The following FBXL17 variants were observed in gnomAD, a reference collection of about 807,000 sequenced individuals.
FBXL17 encodes the protein F-box/LRR-repeat protein 17.
FBXL17 carries 22 observed loss-of-function variants against 66.2 expected under a neutral mutation model. The observed-to-expected ratio is 0.33, with a 90% CI of 0.24 to 0.47. The LOEUF (loss-of-function observed/expected upper bound fraction) is 0.47, where lower values mean the gene tolerates loss of function less well. Among genes scored for constraint, FBXL17 ranks in the 20% least tolerant of loss-of-function variants. The probability of loss-of-function intolerance (pLI) is 1.00; values close to 1 mark genes in which losing one functional copy is unlikely to be tolerated. For synonymous variants in FBXL17, 474 were observed against 400.5 expected (o/e 1.18, Z -2.19); for missense variants, 878 against 948.2 (o/e 0.93, Z 0.97).
intron 6 of FBXL17, among the ~76,000 whole-genome samples, chr5:108,085,579 G>T (rs562037044): frequency 1.3e-5 from 2 of 152,184 alleles, no homozygotes; most frequent in African/African-American, 2.4e-5. Context: ...ACTGTGTGCC[G>T]TTGGGGCTCA....
At chr5:108,040,665 A>G (rs867503149) in intron 6 of FBXL17, among the ~76,000 whole-genome samples, 20 of 152,328 alleles carry the variant, frequency 1.3e-4, no homozygotes, top group African/African-American at 3.4e-4. Context: ...TAATTATTTT[A>G]TATTTCTTAC....
At chr5:108,239,496 T>A (rs1755757949) in intron 4 of FBXL17, among the ~76,000 whole-genome samples, 1 of 152,152 alleles carries the variant, frequency 6.6e-6, no homozygotes, top group African/African-American at 2.4e-5. Context: ...CTGGCGCCTA[T>A]GGAGGAAGCA....
At chr5:108,275,352 C>T (rs943755879) in intron 4 of FBXL17, among the ~76,000 whole-genome samples, 8 of 152,016 alleles carry the variant, frequency 5.3e-5, no homozygotes, top group African/African-American at 1.5e-4. Flanking sequence ...TAAAGTCAAA[C>T]CAGTGTATGA....
intron 7 of FBXL17, among the ~76,000 whole-genome samples, chr5:107,990,709 T>C (rs987939269): frequency 6.6e-6 from 1 of 152,172 alleles, no homozygotes; most frequent in African/African-American, 2.4e-5. Context: ...AATTATTTAA[T>C]ATAAGAAATA....
chr5:108,059,879 C>T (rs1747854734), intron 6 of FBXL17, among the ~76,000 whole-genome samples: 1 of 151,692 alleles, frequency 6.6e-6, no homozygotes, highest in South Asian at 2.1e-4. Context: ...TTTCATCATA[C>T]CTACATAGAG....
chr5:108,037,030 T>C lies in FBXL17; in HGVS notation c.1746-16029A>G, dbSNP rs575702120. Reference sequence around the variant, plus strand: ...AATTAAAAGGAGAAAAGGCTGCATATGTAGATCCCTAGGGTTTAAAATATA... The same window carrying C: ...AATTAAAAGGAGAAAAGGCTGCATACGTAGATCCCTAGGGTTTAAAATATA... On this transcript the variant is annotated intron_variant, in intron 6 of 8. Coordinates refer to ENST00000542267, the MANE Select transcript of FBXL17 (RefSeq NM_001163315.3). 5.9e-5 allele frequency among the ~76,000 whole-genome samples: 9 copies of C among 152,234 alleles called. No individual in the cohort carries two copies. In the South Asian group the frequency reaches 1.9e-3, roughly 32 times the overall value.
chr5:108,347,461 C>T (rs1747357445), intron 4 of FBXL17, among the ~76,000 whole-genome samples: 1 of 152,052 alleles, frequency 6.6e-6, no homozygotes, highest in African/African-American at 2.4e-5. Context: ...ATATGATGTA[C>T]CTATCATATA....
chr5:108,359,501 C>A (rs1345185639), intron 3 of FBXL17, among the ~76,000 whole-genome samples: 1 of 152,108 alleles, frequency 6.6e-6, no homozygotes, highest in Non-Finnish European at 1.5e-5. Context: ...TGTTTTCATT[C>A]TCACTCATCT....
chr5:108,379,556 A>C (rs1194941071), intron 1 of FBXL17, among the ~76,000 whole-genome samples: 1 of 152,244 alleles, frequency 6.6e-6, no homozygotes, highest in Admixed American at 6.5e-5. Flanking sequence ...CAAAAAGTCT[A>C]GTCAAAGAAA....
At chr5:107,963,365 G>A (rs1167529088) in intron 7 of FBXL17, among the ~76,000 whole-genome samples, 1 of 152,044 alleles carries the variant, frequency 6.6e-6, no homozygotes, top group African/African-American at 2.4e-5. Context: ...GTGTGTATGT[G>A]TATATTATAC....
chr5:108,226,278 C>A (rs1258184396), intron 4 of FBXL17, among the ~76,000 whole-genome samples: 2 of 152,194 alleles, frequency 1.3e-5, no homozygotes, highest in Non-Finnish European at 2.9e-5. Context: ...CTTAGTTCCC[C>A]ATCGGCACCT....
At chr5:108,000,524 T>A (rs1753682130) in intron 7 of FBXL17, among the ~76,000 whole-genome samples, 1 of 152,236 alleles carries the variant, frequency 6.6e-6, no homozygotes, top group South Asian at 2.1e-4. Context: ...ATTTTACAAA[T>A]GACAATAGAT....
At chr5:108,029,612 G>T (rs1227481445) in intron 6 of FBXL17, among the ~76,000 whole-genome samples, 1 of 152,102 alleles carries the variant, frequency 6.6e-6, no homozygotes, top group Non-Finnish European at 1.5e-5. Flanking sequence ...TTTATGCAGA[G>T]AGATAACTTT....
chr5:108,183,904 A>G (rs953418668), intron 6 of FBXL17, among the ~76,000 whole-genome samples: 1 of 152,208 alleles, frequency 6.6e-6, no homozygotes, highest in Admixed American at 6.5e-5. Flanking sequence ...CATATGGTGA[A>G]TATTATTCAA....
In FBXL17 at chr5:108,016,005, T is replaced by G. The variant is rs1336084016; in HGVS notation, c.1822+4920A>C. Among the ~76,000 whole-genome samples the G allele has an allele frequency of 2.0e-5, 3 of 152,192 alleles. No homozygotes were observed. In the South Asian group the frequency reaches 6.2e-4, roughly 32 times the overall value. ...GGAATGCAGAAACTAAACATCTGTA[T>G]GTAGTACATGGCCCAGCACACGGTG... On this transcript the variant is annotated intron_variant, in intron 7 of 8. Coordinates refer to ENST00000542267, the MANE Select transcript of FBXL17 (RefSeq NM_001163315.3).
intron 6 of FBXL17, among the ~76,000 whole-genome samples, chr5:108,043,324 C>T (rs2112807663): frequency 6.6e-6 from 1 of 152,014 alleles, no homozygotes; most frequent in South Asian, 2.1e-4. Context: ...AAGGTTTTTC[C>T]CCCCCTAGGT....
chr5:107,954,990 T>C (rs955240563), intron 7 of FBXL17, among the ~76,000 whole-genome samples: 1 of 152,106 alleles, frequency 6.6e-6, no homozygotes, highest in Non-Finnish European at 1.5e-5. Flanking sequence ...CCCGTAGATG[T>C]TAAGAATGGA....
intron 4 of FBXL17, among the ~76,000 whole-genome samples, chr5:108,242,172 A>T (rs1755882647): frequency 6.6e-6 from 1 of 152,234 alleles, no homozygotes; most frequent in African/African-American, 2.4e-5. Flanking sequence ...TCTTAAGTAG[A>T]AAGACTAAAA....
chr5:108,107,081 T>G (rs1054686696), intron 6 of FBXL17, among the ~76,000 whole-genome samples: 1 of 152,218 alleles, frequency 6.6e-6, no homozygotes. Flanking sequence ...TAATTTTATT[T>G]ATTTTTTTGA....
Sources: gnomAD v4.1 joint callset for allele counts (sites outside exome capture counted in the v4.1 genomes callset) on GRCh38, gnomAD v4.1.1 for gene constraint, MANE v1.5 for transcripts, NCBI Gene and HGNC (gene_info 2026-07-23, HGNC 2026-07-21) for gene names.